Variants in CHD3 observed in about 807,000 individuals in gnomAD.
The protein encoded by CHD3 is chromodomain helicase DNA binding protein 3.
A neutral mutation model predicts 248.9 loss-of-function variants in CHD3; 52 were observed. That is an observed-to-expected ratio of 0.21 (90% confidence interval 0.17 to 0.26). The LOEUF is 0.26. CHD3 is among the 10% of genes least tolerant of loss of function. The probability of loss-of-function intolerance (pLI) is 1.00; values close to 1 mark genes in which losing one functional copy is unlikely to be tolerated. For missense variants in CHD3, 1,482 were observed against 2,605.8 expected, an observed-to-expected ratio of 0.57 and a Z score of 9.39; for synonymous variants, 985 against 985.2, an observed-to-expected ratio of 1.00 and a Z score of 0.00.
chr17:7,887,287 G>T (rs1047156667), upstream of CHD3, among the ~76,000 whole-genome samples: 2 of 152,054 alleles, frequency 1.3e-5, no homozygotes, highest in Non-Finnish European at 2.9e-5. Flanking sequence ...TCTTACTCAA[G>T]ACCAATTTTA....
In CHD3 at chr17:7,903,880, T is replaced by C. The variant is rs755558715; in HGVS notation, c.3783T>C (p.Ala1261=). Residue 1261 remains alanine (A), a synonymous_variant, in exon 24 of 40, where the codon GCT becomes GCC. Transcript: ENST00000330494. The surrounding 1 kb of genome is among the most constrained non-coding windows in gnomAD (Gnocchi z 6.8). ...SVIHYDNEAI[A]RLLDRNQDAT... ...TTCATTATGACAATGAGGCCATCGC[T>C]CGGCTGTTGGACCGGAACCAGGATG... The C allele has an allele frequency of 6.2e-7, 1 of 1,614,002 alleles. No individual in the cohort carries two copies. Among genetic ancestry groups the C allele is most frequent in the African/African-American group, 1.3e-5 (1 of 74,892 alleles).
At position 7,899,647 on chromosome 17, in the gene CHD3, T is replaced by G; in HGVS notation, c.2544+104T>G. On this transcript the variant is annotated intron_variant, in intron 15 of 39. Coordinates refer to ENST00000330494, the MANE Select transcript of CHD3 (RefSeq NM_001005273.3). This position sits in a 1 kb window ranked among gnomAD's most constrained non-coding sequence, Gnocchi z 6.8. Reference sequence around the variant, plus strand: ...ATTCCCCTCCTCACCTTTCTCCTCTTCCTCCACCTGTCCTCCTGTCTCTGC... The same window carrying G: ...ATTCCCCTCCTCACCTTTCTCCTCTGCCTCCACCTGTCCTCCTGTCTCTGC... The G allele has an allele frequency of 8.2e-7, 1 of 1,221,714 alleles. No homozygotes were observed. 75.7% of individuals were successfully genotyped at this position (1,221,714 alleles called of 1,614,324 possible). A position where few individuals can be genotyped will look rare whatever the true frequency, so the allele number is the denominator to read the frequency against.
rs1483127065 is a variant in CHD3 at position 7,911,056 on chromosome 17, T to C, written c.5881+83T>C. The C allele has an allele frequency of 7.1e-6, 11 of 1,555,870 alleles. No individual in the cohort carries two copies. Among genetic ancestry groups the C allele is most frequent in the Non-Finnish European group, 9.7e-6 (11 of 1,139,646 alleles). On this transcript the variant is annotated intron_variant, in intron 39 of 39. Transcript: ENST00000330494. The surrounding 1 kb of genome is among the most constrained non-coding windows in gnomAD (Gnocchi z 5.4). Reference sequence around the variant, plus strand: ...TTCTGCTCAGCTGCCCTTTAACTGCTCTAGTCCATCTCATTTCCTTGGTGG... The same window carrying C: ...TTCTGCTCAGCTGCCCTTTAACTGCCCTAGTCCATCTCATTTCCTTGGTGG...
Position 7,890,735 on chromosome 17 carries a change from G to T in CHD3, c.378G>T (p.Gly126=). The change falls in exon 3 of 40, where the codon GGG becomes GGT. Residue 126 remains glycine, a synonymous_variant. Transcript: ENST00000330494. ...GGAAAAAGGGGGAGGGAGATGGGGGGCAAAAGGTGAGTAGAATTAGGGAAT... is the reference window on the plus strand; with the variant it reads ...GGAAAAAGGGGGAGGGAGATGGGGGTCAAAAGGTGAGTAGAATTAGGGAAT... ...KRRKKGEGDG[G]QKQVEQKSSA... is the part of the protein sequence containing the mutation. 1 of 1,284,756 alleles carries T rather than the reference G, an allele frequency of 7.8e-7. No individual in the cohort carries two copies. The highest frequency in any genetic ancestry group is 1.1e-6 in the Non-Finnish European group (1 of 938,404). 79.6% of individuals were successfully genotyped at this position (1,284,756 alleles called of 1,614,324 possible). A position where few individuals can be genotyped will look rare whatever the true frequency, so the allele number is the denominator to read the frequency against.
rs767886788 is a variant in CHD3 at position 7,897,961 on chromosome 17, T to C, written c.1920-10T>C. On this transcript the variant is annotated splice_polypyrimidine_tract_variant and intron_variant, in intron 11 of 39. Coordinates refer to ENST00000330494, the MANE Select transcript of CHD3 (RefSeq NM_001005273.3). The surrounding 1 kb of genome is among the most constrained non-coding windows in gnomAD (Gnocchi z 4.8). ...CCTCCTGCTCCTCCCCATGGCCTCC[T>C]GCCCCACAGTGTGGATAAAAAGGGG... 1 of 1,611,388 alleles carries C rather than the reference T, an allele frequency of 6.2e-7. No individual in the cohort carries two copies. The highest frequency in any genetic ancestry group is 1.7e-5 in the Admixed American group (1 of 59,432).
chr17:7,898,853 G>C (rs1477483073), intron 13 of CHD3, among the ~76,000 whole-genome samples, 158 bp from the exon 14 acceptor site: 3 of 152,308 alleles, frequency 2.0e-5, no homozygotes, highest in African/African-American at 4.8e-5. Context: ...AAGGAATGAG[G>C]GGGAGGGGCT....
At position 7,910,684 on chromosome 17, in the gene CHD3, A is replaced by G. The variant is rs1971541804; in HGVS notation, c.5754+93A>G. On this transcript the variant is annotated intron_variant, in intron 38 of 39. Transcript: ENST00000330494. This position sits in a 1 kb window ranked among gnomAD's most constrained non-coding sequence, Gnocchi z 4.7. ...CCATCAGAATCCTATACAATATGGA[A>G]AAACAACTTGCTAGAACACAGTCAT... 5.9e-6 allele frequency: 9 copies of G among 1,524,082 alleles called. No individual in the cohort carries two copies. The South Asian group carries it at 8.8e-5, about 15-fold the overall frequency. The allele number at this position is 1,524,082 out of a possible 1,614,324, so 94.4% of individuals were successfully genotyped here.
In CHD3 at chr17:7,889,856, T is replaced by C; in HGVS notation, c.213+80T>C. On this transcript the variant is annotated intron_variant, in intron 2 of 39. Coordinates refer to ENST00000330494, the MANE Select transcript of CHD3 (RefSeq NM_001005273.3). This position sits in a 1 kb window ranked among gnomAD's most constrained non-coding sequence, Gnocchi z 4.5. The stretch of plus-strand genomic sequence containing the variant: ...AGACCTACATTTTCTCTGGTCCTGA[T>C]TACTGGTGTGGGGGTGGGGTTCTGA... 1.5e-6 allele frequency: 2 copies of C among 1,364,714 alleles called. No homozygotes were observed. Among genetic ancestry groups the C allele is most frequent in the Non-Finnish European group, 2.0e-6 (2 of 979,566 alleles). 84.5% of individuals were successfully genotyped at this position (1,364,714 alleles called of 1,614,324 possible). A position where few individuals can be genotyped will look rare whatever the true frequency, so the allele number is the denominator to read the frequency against.
rs763706089 is a variant in CHD3, at chr17:7,893,795, C to A, written c.794-10C>A. Reference sequence around the variant, plus strand: ...CCTTTTTCCTCTTCTCACCCCGACTCCTCATTCAGGTCCAGGCCATAAGAG... The same window carrying A: ...CCTTTTTCCTCTTCTCACCCCGACTACTCATTCAGGTCCAGGCCATAAGAG... On this transcript the variant is annotated splice_polypyrimidine_tract_variant and intron_variant, in intron 5 of 39. Coordinates refer to ENST00000330494, the MANE Select transcript of CHD3 (RefSeq NM_001005273.3). 1.9e-6 allele frequency: 3 copies of A among 1,613,366 alleles called. No individual in the cohort carries two copies. The highest frequency in any genetic ancestry group is 4.5e-5 in the East Asian group (2 of 44,870).
intron 7 of CHD3, 39 bp from the exon 8 acceptor site, chr17:7,894,376 T>G (rs1490540222): frequency 5.0e-6 from 8 of 1,593,508 alleles, no homozygotes; most frequent in African/African-American, 2.7e-5. Context: ...CATCTCCCCC[T>G]GCCCTGCTTC....
At position 7,902,962 on chromosome 17, in the gene CHD3, C is replaced by T. The variant is rs537883732; in HGVS notation, c.3396C>T (p.Phe1132=). ...CTCCTGGGGCCCAACAATTCTGCTT[C>T]CTCCTGTCCACCCGAGCTGGGGGCC... is the stretch of plus-strand genomic sequence containing the variant. The part of the protein sequence containing the change: ...FNAPGAQQFC[F]LLSTRAGGLG... Residue 1132 remains phenylalanine, a synonymous_variant, in exon 22 of 40, where the codon TTC becomes TTT. Coordinates refer to ENST00000330494, the MANE Select transcript of CHD3 (RefSeq NM_001005273.3). 1 of 1,614,150 alleles carries T rather than the reference C, an allele frequency of 6.2e-7. No individual in the cohort carries two copies. The highest frequency in any genetic ancestry group is 2.2e-5 in the East Asian group (1 of 44,884).
chr17:7,906,498 C>T lies in CHD3; in HGVS notation c.4359-55C>T. 6.3e-7 allele frequency: 1 copy of T among 1,598,774 alleles called. No homozygotes were observed. Among genetic ancestry groups the T allele is most frequent in the Non-Finnish European group, 8.6e-7 (1 of 1,169,162 alleles). On this transcript the variant is annotated intron_variant, in intron 28 of 39. Coordinates refer to ENST00000330494, the MANE Select transcript of CHD3 (RefSeq NM_001005273.3). This position sits in a 1 kb window ranked among gnomAD's most constrained non-coding sequence, Gnocchi z 5.0. ...AGTCATCCTCGCGCCTCCCTCACTG[C>T]CCTATACCCCTTCTGTGGCTCCCCT...
chr17:7,903,237 C>CCTGACCCA lies in CHD3; in HGVS notation c.3496-33_3496-26dup. The CCTGACCCA allele has an allele frequency of 6.2e-7, 1 of 1,607,958 alleles. No individual in the cohort carries two copies. Among genetic ancestry groups the CCTGACCCA allele is most frequent in the Middle Eastern group, 1.8e-4 (1 of 5,488 alleles). ...TGGGCAGCTTCTCCCCGGCCACTCC[C>CCTGACCCA]CTGACCCACCCGCCACTTTCTCTTG... On this transcript the variant is annotated intron_variant, in intron 22 of 39. Coordinates refer to ENST00000330494, the MANE Select transcript of CHD3 (RefSeq NM_001005273.3). The surrounding 1 kb of genome is among the most constrained non-coding windows in gnomAD (Gnocchi z 6.8).
Position 7,894,910 on chromosome 17 carries a change from C to A in CHD3, c.1270-7C>A. On this transcript the variant is annotated splice_polypyrimidine_tract_variant and splice_region_variant and intron_variant, in intron 8 of 39. Coordinates refer to ENST00000330494, the MANE Select transcript of CHD3 (RefSeq NM_001005273.3). ...ATCTGTCTGTGTGTCTATCCTTGGC[C>A]CCCTAGGAGAAGGAGGGGGTCCAGT... 1 of 1,612,320 alleles carries A rather than the reference C, an allele frequency of 6.2e-7. No homozygotes were observed. Among genetic ancestry groups the A allele is most frequent in the Non-Finnish European group, 8.5e-7 (1 of 1,179,538 alleles).
At position 7,889,832 on chromosome 17, in the gene CHD3, G is replaced by T; in HGVS notation, c.213+56G>T. 3 of 1,497,612 alleles carry T rather than the reference G, an allele frequency of 2.0e-6. No individual in the cohort carries two copies. Among genetic ancestry groups the T allele is most frequent in the Non-Finnish European group, 2.7e-6 (3 of 1,092,532 alleles). 92.8% of individuals were successfully genotyped at this position (1,497,612 alleles called of 1,614,324 possible). A position where few individuals can be genotyped will look rare whatever the true frequency, so the allele number is the denominator to read the frequency against. On this transcript the variant is annotated intron_variant, in intron 2 of 39. Transcript: ENST00000330494. The surrounding 1 kb of genome is among the most constrained non-coding windows in gnomAD (Gnocchi z 4.5). ...AAGGCTCAAGAGACCCATTCTCAGA[G>T]ACCTACATTTTCTCTGGTCCTGATT... is the stretch of plus-strand genomic sequence containing the variant.
chr17:7,887,064 C>T (rs189405134), upstream of CHD3, among the ~76,000 whole-genome samples: 17 of 152,292 alleles, frequency 1.1e-4, no homozygotes, highest in Non-Finnish European at 1.9e-4. Context: ...GATACACCCC[C>T]TCAGATGACT....
Position 7,910,474 on chromosome 17 carries a change from G to A in CHD3, c.5637G>A (p.Val1879=), listed in dbSNP as rs372603459. The stretch of plus-strand genomic sequence containing the variant: ...TGCTGAGCGACATGAAGGCGGACGT[G>A]ACCCGCCTGCCAGCCACGCTGTCCC... ...EELLSDMKAD[V]TRLPATLSRI... is the part of the protein sequence containing the mutation. Residue 1879 remains valine, a synonymous_variant, in exon 38 of 40, where the codon GTG becomes GTA. Coordinates refer to ENST00000330494, the MANE Select transcript of CHD3 (RefSeq NM_001005273.3). The surrounding 1 kb of genome is among the most constrained non-coding windows in gnomAD (Gnocchi z 4.7). The A allele has an allele frequency of 6.2e-7, 1 of 1,613,874 alleles. No homozygotes were observed. The highest frequency in any genetic ancestry group is 8.5e-7 in the Non-Finnish European group (1 of 1,180,016).
chr17:7,894,388 T>G, intron 7 of CHD3, 27 bp from the exon 8 acceptor site: 2 of 1,597,142 alleles, frequency 1.3e-6, no homozygotes, highest in Non-Finnish European at 1.7e-6. Context: ...CCCTGCTTCC[T>G]TATCCCTCCA....
Position 7,899,878 on chromosome 17 carries a change from C to A in CHD3, c.2545-18C>A. 1.2e-6 allele frequency: 2 copies of A among 1,609,040 alleles called. No homozygotes were observed. The highest frequency in any genetic ancestry group is 1.7e-6 in the Non-Finnish European group (2 of 1,176,994). ...GGTTGTCAGGTGGCAGCTGAATGGGCAATAATTATGTTGGCAGAGGGAGGC... is the reference window on the plus strand; with the variant it reads ...GGTTGTCAGGTGGCAGCTGAATGGGAAATAATTATGTTGGCAGAGGGAGGC... On this transcript the variant is annotated intron_variant, in intron 15 of 39. Coordinates refer to ENST00000330494, the MANE Select transcript of CHD3 (RefSeq NM_001005273.3). The surrounding 1 kb of genome is among the most constrained non-coding windows in gnomAD (Gnocchi z 6.8).
Sources: gnomAD v4.1 joint callset for allele counts (sites outside exome capture counted in the v4.1 genomes callset) on GRCh38, gnomAD v4.1.1 for gene constraint, Gnocchi (gnomAD v3.1) non-coding constraint, MANE v1.5 for transcripts, NCBI Gene and HGNC (gene_info 2026-07-23, HGNC 2026-07-21) for gene names.